The following ANXA3 variants were observed in gnomAD, a reference collection of about 807,000 sequenced individuals.
ANXA3 encodes the protein 35-alpha calcimedin.
Under a neutral mutation model 48.8 loss-of-function variants are expected in ANXA3, and 46 were observed. The ratio of observed to expected loss-of-function variants is 0.94; its 90% CI spans 0.74 to 1.21. The LOEUF (loss-of-function observed/expected upper bound fraction) is 1.21. Among genes scored for constraint, ANXA3 ranks in the 50% most tolerant of loss-of-function variants. The pLI, the probability that ANXA3 is intolerant of heterozygous loss-of-function variation, is 0.00. For missense variants in ANXA3, 383 were observed against 378.6 expected, an observed-to-expected ratio of 1.01 and a Z score of -0.10; for synonymous variants, 128 against 134.7, an observed-to-expected ratio of 0.95 and a Z score of 0.35.
intron 3 of ANXA3, among the ~76,000 whole-genome samples, chr4:78,578,298 CGA>C (rs1220106430): frequency 0.021 from 974 of 46,456 alleles, 27 homozygotes; most frequent in African/African-American, 0.068. Flanking sequence ...AGAGAGAGAG[CGA>C]GAGAGAGAGA....
At position 78,556,202 on chromosome 4, in the gene ANXA3, G is replaced by C. The variant is rs1228110164; in HGVS notation, c.15+1714G>C. On this transcript the variant is annotated intron_variant, in intron 2 of 12. Transcript: ENST00000264908. ...CATGCAGACAGCATAAATGTCCATC[G>C]ATAGGGTAGGAATAAGTAAATTACT... 2.0e-5 allele frequency among the ~76,000 whole-genome samples: 3 copies of C among 152,212 alleles called. No homozygotes were observed. In the East Asian group the frequency reaches 5.8e-4, roughly 29 times the overall value.
At chr4:78,584,568 C>T (rs1723134448) in intron 5 of ANXA3, among the ~76,000 whole-genome samples, 1 of 152,106 alleles carries the variant, frequency 6.6e-6, no homozygotes, top group African/African-American at 2.4e-5. Flanking sequence ...TTGGTCTTGG[C>T]CTATATCTTC....
chr4:78,590,972 C>T (rs1723280687), intron 6 of ANXA3, among the ~76,000 whole-genome samples: 1 of 152,100 alleles, frequency 6.6e-6, no homozygotes, highest in Non-Finnish European at 1.5e-5. Context: ...CTTATCTTCA[C>T]AGTCCAAGAT....
chr4:78,553,246 G>A (rs1722437223), intron 1 of ANXA3, among the ~76,000 whole-genome samples: 1 of 152,142 alleles, frequency 6.6e-6, no homozygotes, highest in South Asian at 2.1e-4. Flanking sequence ...ACCTCTCTGG[G>A]CTCCAGCTTC....
At chr4:78,603,325 G>T (rs1273318867) in intron 11 of ANXA3, 1 of 152,106 alleles carries the variant, frequency 6.6e-6, no homozygotes, top group African/African-American at 2.4e-5. Context: ...TTAGTATGTT[G>T]GCCATCATTA....
At chr4:78,600,526 T>A (rs1316951139) in intron 10 of ANXA3, among the ~76,000 whole-genome samples, 2 of 152,214 alleles carry the variant, frequency 1.3e-5, no homozygotes, top group African/African-American at 4.8e-5. Context: ...GTTTAAATGG[T>A]TAGTTTCTTG....
intron 2 of ANXA3, among the ~76,000 whole-genome samples, chr4:78,557,088 GC>G (rs1193746171): frequency 1.3e-5 from 2 of 152,190 alleles, no homozygotes; most frequent in East Asian, 3.8e-4. Context: ...CCTCTTCCAA[GC>G]CCTTTTAGGT....
At chr4:78,579,166 T>C (rs777425832) in intron 4 of ANXA3, 45 bp downstream of exon 4, 1 of 1,376,718 alleles carries the variant, frequency 7.3e-7, no homozygotes, top group Admixed American at 1.7e-5. Flanking sequence ...ATCATTAATG[T>C]ACCATGGTCG....
chr4:78,588,568 A>G, intron 6 of ANXA3, among the ~76,000 whole-genome samples: 1 of 152,202 alleles, frequency 6.6e-6, no homozygotes, highest in South Asian at 2.1e-4. Context: ...TCGGGACCTC[A>G]GGGGCTCAGA....
chr4:78,578,298 C>CGAGAGAGAGAGAGAGAGAGAGA (rs1220106430), intron 3 of ANXA3, among the ~76,000 whole-genome samples: 9 of 46,514 alleles, frequency 1.9e-4, no homozygotes, highest in East Asian at 1.3e-3. Flanking sequence ...AGAGAGAGAG[C>CGAGAGAGAGAGAGAGAGAGAGA]GAGAGAGAGA....
chr4:78,575,123 GTTAAGCATCC>G lies in ANXA3; in HGVS notation c.103+1858_103+1867del, dbSNP rs2109933359. Among the ~76,000 whole-genome samples, 3 of 152,294 alleles carry G rather than the reference GTTAAGCATCC, an allele frequency of 2.0e-5. No homozygotes were observed. The East Asian group carries it at 5.8e-4, about 29-fold the overall frequency. On this transcript the variant is annotated intron_variant, in intron 3 of 12. Transcript: ENST00000264908. The stretch of plus-strand genomic sequence containing the variant: ...TGTCTCTACTCCAATGACTGATGCA[GTTAAGCATCC>G]TCACTTGTGCATCTGCTTCCACTTT...
intron 5 of ANXA3, 190 bp downstream of exon 5, chr4:78,582,480 A>G: frequency 2.1e-6 from 1 of 484,986 alleles, no homozygotes; most frequent in Non-Finnish European, 3.7e-6. Flanking sequence ...CTGGGCTGGA[A>G]GAATTTTGTC....
intron 12 of ANXA3, among the ~76,000 whole-genome samples, chr4:78,607,678 G>T (rs1243369122): frequency 6.6e-6 from 1 of 152,126 alleles, no homozygotes; most frequent in Non-Finnish European, 1.5e-5. Flanking sequence ...TAGGTATGAA[G>T]AAACAATTAG....
At chr4:78,560,485 C>T (rs1722605863) in intron 2 of ANXA3, among the ~76,000 whole-genome samples, 1 of 152,172 alleles carries the variant, frequency 6.6e-6, no homozygotes, top group African/African-American at 2.4e-5. Flanking sequence ...GCCTCCATGC[C>T]CTCTCCCTGT....
chr4:78,577,025 C>A (rs1254462137), intron 3 of ANXA3, among the ~76,000 whole-genome samples: 1 of 152,060 alleles, frequency 6.6e-6, no homozygotes, highest in Non-Finnish European at 1.5e-5. Context: ...TCATAATGAG[C>A]TGATACATGA....
intron 12 of ANXA3, among the ~76,000 whole-genome samples, chr4:78,605,533 T>G (rs939989054): frequency 2.6e-5 from 4 of 152,224 alleles, no homozygotes; most frequent in African/African-American, 9.6e-5. Context: ...ATTTTCCCAG[T>G]CCGTTCTTTG....
chr4:78,574,986 A>C (rs1253050057), intron 3 of ANXA3, among the ~76,000 whole-genome samples: 2 of 152,188 alleles, frequency 1.3e-5, no homozygotes, highest in Non-Finnish European at 2.9e-5. Context: ...AGCAATGTAC[A>C]AGACTTCCTT....
intron 7 of ANXA3, among the ~76,000 whole-genome samples, chr4:78,592,843 T>C (rs1028181309): frequency 2.6e-5 from 4 of 152,204 alleles, no homozygotes; most frequent in Middle Eastern, 3.4e-3. Context: ...ATAATCAGCA[T>C]TTATGTCATT....
chr4:78,585,963 C>T (rs920092806), intron 5 of ANXA3, among the ~76,000 whole-genome samples: 3 of 152,166 alleles, frequency 2.0e-5, no homozygotes, highest in African/African-American at 7.2e-5. Context: ...AGGGTTAATC[C>T]TGTTAGACTG....
Sources: allele counts gnomAD v4.1 joint callset (sites outside exome capture counted in the v4.1 genomes callset), GRCh38; gene constraint gnomAD v4.1.1; transcripts MANE v1.5; gene names NCBI Gene and HGNC (gene_info 2026-07-23, HGNC 2026-07-21).